SEMA3A: variants seen among roughly 807,000 people sequenced by gnomAD.
SEMA3A encodes semaphorin-3A.
A neutral mutation model predicts 97.9 loss-of-function variants in SEMA3A; 29 were observed. The observed-to-expected ratio is 0.30, with a 90% CI of 0.22 to 0.40. The LOEUF (loss-of-function observed/expected upper bound fraction) is 0.40. SEMA3A is among the 10% of genes least tolerant of loss of function. SEMA3A has a pLI of 1.00. For missense variants in SEMA3A, 763 were observed against 951.3 expected (o/e 0.80, Z 2.60); for synonymous variants, 321 against 323.7 (o/e 0.99, Z 0.09).
chr7:84,160,422 T>C lies in SEMA3A; in HGVS notation c.113-25471A>G, dbSNP rs1044589084. Among the ~76,000 whole-genome samples, 22 of 151,988 alleles carry C rather than the reference T, an allele frequency of 1.4e-4. No individual in the cohort carries two copies. The East Asian group carries it at 4.1e-3, about 28-fold the overall frequency. On this transcript the variant is annotated intron_variant, in intron 1 of 16. Transcript: ENST00000265362. The stretch of plus-strand genomic sequence containing the variant: ...AAAATTAGCTGGATGCAGTAGCACA[T>C]GCCTGTAGTCCCAGCTACTCAGGAG...
At chr7:84,235,531 C>G (rs1399986156) in intron 3 of SEMA3A, among the ~76,000 whole-genome samples, 1 of 151,856 alleles carries the variant, frequency 6.6e-6, no homozygotes, top group Non-Finnish European at 1.5e-5. Context: ...GAAATATCTG[C>G]ATGAATAAAT....
At chr7:84,119,757 C>T (rs999724832) in intron 3 of SEMA3A, among the ~76,000 whole-genome samples, 6 of 152,112 alleles carry the variant, frequency 3.9e-5, no homozygotes, top group Non-Finnish European at 8.8e-5. Context: ...TTACAAACTA[C>T]GTGTCAGTGG....
chr7:84,419,518 C>T (rs1804528159), intron 1 of SEMA3A, among the ~76,000 whole-genome samples: 1 of 144,402 alleles, frequency 6.9e-6, no homozygotes, highest in African/African-American at 2.8e-5. Context: ...AATCTCACAG[C>T]TGCATGAGAC....
chr7:84,416,411 C>G (rs1052670714), intron 1 of SEMA3A, among the ~76,000 whole-genome samples: 1 of 152,030 alleles, frequency 6.6e-6, no homozygotes, highest in Admixed American at 6.6e-5. Context: ...TCTTCCTAGT[C>G]TCAGGTATGT....
intron 6 of SEMA3A, among the ~76,000 whole-genome samples, chr7:84,043,727 A>G (rs1458471616): frequency 6.6e-6 from 1 of 152,072 alleles, no homozygotes; most frequent in Non-Finnish European, 1.5e-5. Flanking sequence ...ATCTTGCAGC[A>G]GTTCTGTTTT....
rs867921648 is a variant in SEMA3A, at chr7:84,318,124, T to C, written c.-168-10832A>G. ...TAACATTTAAAATAAAAGAAAAACA[T>C]GCACTTAAAAATAAAAATATACATT... On this transcript the variant is annotated intron_variant, in intron 2 of 3. Transcript: ENST00000424555. Among the ~76,000 whole-genome samples, 4 of 152,000 alleles carry C rather than the reference T, an allele frequency of 2.6e-5. No individual in the cohort carries two copies. The South Asian group carries it at 8.3e-4, about 31-fold the overall frequency.
chr7:84,193,180 C>T (rs1340613653), intron 1 of SEMA3A, among the ~76,000 whole-genome samples: 1 of 151,948 alleles, frequency 6.6e-6, no homozygotes, highest in Non-Finnish European at 1.5e-5. Flanking sequence ...CAATGCATTT[C>T]ATTTAACGAG....
In SEMA3A at chr7:84,134,808, T is replaced by C. The variant is rs756406065; in HGVS notation, c.256A>G (p.Lys86Glu). 2.5e-6 allele frequency: 4 copies of C among 1,610,440 alleles called. No individual in the cohort carries two copies. The highest frequency in any genetic ancestry group is 2.2e-5 in the East Asian group (1 of 44,710). The change falls in exon 2 of 17, where the codon AAG becomes GAG. Residue 86 changes from lysine (K) to glutamate (E), a missense_variant. Transcript: ENST00000265362. ...HIFSFDLVNI[K>E]DFQKIVWPVS... ...AATACTGATACCTTTTGAAAATCCT[T>C]GATATTAACCAGGTCGAATGAAAAT... is the stretch of plus-strand genomic sequence containing the variant.
intron 1 of SEMA3A, among the ~76,000 whole-genome samples, chr7:84,479,066 A>G (rs1351430613): frequency 6.6e-6 from 1 of 152,160 alleles, no homozygotes; most frequent in Admixed American, 6.5e-5. Flanking sequence ...CTATAAAACA[A>G]TTAGGTCAAG....
chr7:84,437,667 G>C (rs970178383), intron 1 of SEMA3A, among the ~76,000 whole-genome samples: 1 of 151,086 alleles, frequency 6.6e-6, no homozygotes, highest in African/African-American at 2.4e-5. Context: ...CATGAGAACA[G>C]AGTATTCCAG....
At chr7:84,062,188 T>C (rs1364613402) in intron 4 of SEMA3A, among the ~76,000 whole-genome samples, 1 of 152,226 alleles carries the variant, frequency 6.6e-6, no homozygotes, top group African/African-American at 2.4e-5. Context: ...TTAACACAGG[T>C]TGTTGCCATT....
At chr7:84,320,129 T>A (rs1801610944) in intron 2 of SEMA3A, among the ~76,000 whole-genome samples, 1 of 152,010 alleles carries the variant, frequency 6.6e-6, no homozygotes, top group Non-Finnish European at 1.5e-5. Context: ...ATTATGATAA[T>A]GGAAGCACTG....
At chr7:84,488,830 T>C (rs1806649416) in intron 1 of SEMA3A, among the ~76,000 whole-genome samples, 1 of 152,182 alleles carries the variant, frequency 6.6e-6, no homozygotes. Flanking sequence ...GATTGGGCAT[T>C]CCAACAAATT....
intron 1 of SEMA3A, among the ~76,000 whole-genome samples, chr7:84,427,066 A>G (rs1804845937): frequency 6.6e-6 from 1 of 152,136 alleles, no homozygotes; most frequent in Non-Finnish European, 1.5e-5. Flanking sequence ...AGTAAAGAAG[A>G]AAATAATGTT....
In SEMA3A at chr7:83,981,407, T is replaced by C. The variant is rs930976605; in HGVS notation, c.1566A>G (p.Lys522=). 4 of 1,613,930 alleles carry C rather than the reference T, an allele frequency of 2.5e-6. No individual in the cohort carries two copies. Among genetic ancestry groups the C allele is most frequent in the Non-Finnish European group, 3.4e-6 (4 of 1,179,880 alleles). Residue 522 remains lysine (K), a synonymous_variant, in exon 14 of 17, where the codon AAA becomes AAG. Coordinates refer to ENST00000265362, the MANE Select transcript of SEMA3A (RefSeq NM_006080.3). ...GGGCGAGGCAACACTCAGCACACGC[T>C]TTCCCGTAAATATCACACCGGTGTA... ...LPLHRCDIYG[K]ACAECCLARD...
intron 6 of SEMA3A, among the ~76,000 whole-genome samples, chr7:84,024,050 A>G (rs1791444849): frequency 1.3e-5 from 2 of 152,056 alleles, no homozygotes; most frequent in Non-Finnish European, 2.9e-5. Context: ...AGAAATATAC[A>G]TACACATTCT....
At chr7:84,293,830 C>T (rs1042559891) in intron 3 of SEMA3A, among the ~76,000 whole-genome samples, 1 of 151,952 alleles carries the variant, frequency 6.6e-6, no homozygotes, top group Non-Finnish European at 1.5e-5. Context: ...CTACAGGTTT[C>T]CAAGGTTAAC....
intron 3 of SEMA3A, among the ~76,000 whole-genome samples, chr7:84,280,747 C>G (rs553657669): frequency 2.0e-5 from 3 of 151,862 alleles, no homozygotes; most frequent in Non-Finnish European, 4.4e-5. Context: ...CCACTGCACT[C>G]CAGCCTGGGT....
chr7:83,975,485 T>G (rs1789106997), intron 15 of SEMA3A, among the ~76,000 whole-genome samples: 1 of 152,214 alleles, frequency 6.6e-6, no homozygotes, highest in East Asian at 1.9e-4. Context: ...AATCAAAAAG[T>G]GCTATTAGTT....
Sources: allele counts gnomAD v4.1 joint callset (sites outside exome capture counted in the v4.1 genomes callset), GRCh38; gene constraint gnomAD v4.1.1; transcripts MANE v1.5; gene names NCBI Gene and HGNC (gene_info 2026-07-23, HGNC 2026-07-21).